The following RBM19 variants were observed in gnomAD, a reference collection of about 807,000 sequenced individuals.
RBM19 encodes probable RNA-binding protein 19.
In RBM19, 94 loss-of-function variants were observed where a neutral mutation model predicts 116.8. The observed-to-expected ratio is 0.80, with a 90% confidence interval of 0.68 to 0.95. The LOEUF is 0.95. Ranked by LOEUF, RBM19 falls within the 40% of genes least tolerant of loss-of-function variation. RBM19 has a pLI of 0.00. For synonymous variants in RBM19, 475 were observed against 494.1 expected (o/e 0.96, Z 0.51); for missense variants, 1,161 against 1,220.7 (o/e 0.95, Z 0.73).
At chr12:113,863,797 T>C (rs1878596846) in intron 21 of RBM19, among the ~76,000 whole-genome samples, 1 of 152,202 alleles carries the variant, frequency 6.6e-6, no homozygotes, top group South Asian at 2.1e-4. Context: ...AACTACAAGC[T>C]TCTTCTGCTC....
chr12:113,852,261 C>A (rs989863547), intron 22 of RBM19, among the ~76,000 whole-genome samples: 2 of 152,190 alleles, frequency 1.3e-5, no homozygotes, highest in Non-Finnish European at 2.9e-5. Context: ...CAGGGGGGTC[C>A]GTCCTGGCAC....
chr12:113,871,716 A>G (rs759356567), intron 21 of RBM19, among the ~76,000 whole-genome samples: 3 of 152,228 alleles, frequency 2.0e-5, no homozygotes, highest in Non-Finnish European at 4.4e-5. Context: ...CAAACAGCAG[A>G]CACACCTCAA....
intron 17 of RBM19, among the ~76,000 whole-genome samples, chr12:113,925,468 G>A (rs1015635111): frequency 6.6e-6 from 1 of 152,218 alleles, no homozygotes. Context: ...CCATGTTACA[G>A]ATGAAGAAAC....
chr12:113,946,320 G>T, intron 12 of RBM19, 34 bp downstream of exon 12: 1 of 1,613,974 alleles, frequency 6.2e-7, no homozygotes, highest in Non-Finnish European at 8.5e-7. Context: ...GAGGGTTGGG[G>T]TTGGAGCTCA....
intron 21 of RBM19, among the ~76,000 whole-genome samples, chr12:113,859,728 T>A (rs1209791303): frequency 6.6e-6 from 1 of 152,218 alleles, no homozygotes; most frequent in Admixed American, 6.5e-5. Flanking sequence ...CCCTTTCTAA[T>A]GTCCATTTAT....
intron 21 of RBM19, among the ~76,000 whole-genome samples, chr12:113,914,155 G>A (rs1264437566): frequency 6.6e-6 from 1 of 152,250 alleles, no homozygotes; most frequent in Non-Finnish European, 1.5e-5. Flanking sequence ...ATTAGTTGCT[G>A]ATGAATTCTC....
chr12:113,940,566 G>A (rs975998867), intron 14 of RBM19, among the ~76,000 whole-genome samples: 4 of 152,232 alleles, frequency 2.6e-5, no homozygotes, highest in African/African-American at 9.6e-5. Context: ...CCCCCTGGGA[G>A]CAGCCCACAG....
At chr12:113,844,911 T>A in intron 22 of RBM19, 123 bp from the exon 23 acceptor site, 2 of 1,352,196 alleles carry the variant, frequency 1.5e-6, no homozygotes, top group South Asian at 3.2e-5. Context: ...CCCCGTGACA[T>A]CTGATCTCCA....
intron 18 of RBM19, among the ~76,000 whole-genome samples, 177 bp from the exon 19 acceptor site, chr12:113,920,867 A>G (rs1868492113): frequency 6.6e-6 from 1 of 152,156 alleles, no homozygotes; most frequent in African/African-American, 2.4e-5. Flanking sequence ...ATCTTGACGA[A>G]TCAGCCAACG....
chr12:113,872,050 G>A (rs1315339740), intron 21 of RBM19, among the ~76,000 whole-genome samples: 5 of 145,774 alleles, frequency 3.4e-5, no homozygotes, highest in African/African-American at 1.0e-4. Context: ...GAGCGTCTCC[G>A]CCCAGCCGCC....
intron 21 of RBM19, among the ~76,000 whole-genome samples, chr12:113,863,213 G>GTC (rs1412451091): frequency 2.5e-5 from 1 of 39,922 alleles, no homozygotes; most frequent in Non-Finnish European, 5.0e-5. Flanking sequence ...ACGTGTGTCT[G>GTC]TGTGTGTGTG....
At chr12:113,878,401 G>A (rs984485965) in intron 21 of RBM19, among the ~76,000 whole-genome samples, 1 of 152,168 alleles carries the variant, frequency 6.6e-6, no homozygotes, top group Admixed American at 6.5e-5. Flanking sequence ...GCCTCATTAG[G>A]CCTCTCCACC....
chr12:113,941,451 G>A (rs1318612185), intron 14 of RBM19, among the ~76,000 whole-genome samples: 2 of 150,358 alleles, frequency 1.3e-5, no homozygotes, highest in Non-Finnish European at 2.9e-5. Flanking sequence ...GAGTGGCCAT[G>A]TGAATGAAAT....
At chr12:113,840,827 G>C (rs188145115) in intron 23 of RBM19, among the ~76,000 whole-genome samples, 3 of 152,314 alleles carry the variant, frequency 2.0e-5, no homozygotes, top group African/African-American at 7.2e-5. Context: ...TTCAGCCCCT[G>C]GGGTGGTTAA....
At position 113,875,796 on chromosome 12, in the gene RBM19, A is replaced by G. The variant is rs115688689; in HGVS notation, c.2559-16900T>C. Among the ~76,000 whole-genome samples the G allele has an allele frequency of 5.4e-3, 828 of 152,294 alleles. 7 individuals are homozygous for G. Among genetic ancestry groups the G allele is most frequent in the African/African-American group, 0.015 (634 of 41,558 alleles). On this transcript the variant is annotated intron_variant, in intron 21 of 23. Transcript: ENST00000261741. ...CAAAGTTCACGCAGAGGGAAAAGTCAATGATCGTGTCTCTGGCGACGCACA... is the reference window on the plus strand; with the variant it reads ...CAAAGTTCACGCAGAGGGAAAAGTCGATGATCGTGTCTCTGGCGACGCACA...
intron 21 of RBM19, among the ~76,000 whole-genome samples, chr12:113,876,759 A>G (rs1265088880): frequency 2.0e-5 from 3 of 152,240 alleles, no homozygotes; most frequent in Admixed American, 1.3e-4. Flanking sequence ...CCACTGCACT[A>G]CAGCCTAGGT....
chr12:113,906,656 C>T (rs555342971), intron 21 of RBM19, among the ~76,000 whole-genome samples: 29 of 152,100 alleles, frequency 1.9e-4, no homozygotes, highest in African/African-American at 5.1e-4. Context: ...CGTCGGGGCT[C>T]GGCATTTACT....
intron 21 of RBM19, 71 bp downstream of exon 21, chr12:113,914,898 C>T: frequency 7.4e-7 from 1 of 1,357,668 alleles, no homozygotes; most frequent in African/African-American, 1.4e-5. Context: ...ACCCAAAGGC[C>T]ATCTTCCCTG....
At chr12:113,879,431 T>TTA (rs5801011) in intron 21 of RBM19, among the ~76,000 whole-genome samples, 50,868 of 132,558 alleles carry the variant, frequency 0.38, 11,289 homozygotes, top group Middle Eastern at 0.49. Context: ...TACATACATT[T>TTA]TATATATATA....
Sources: allele counts gnomAD v4.1 joint callset (sites outside exome capture counted in the v4.1 genomes callset), GRCh38; gene constraint gnomAD v4.1.1; transcripts MANE v1.5; gene names NCBI Gene and HGNC (gene_info 2026-07-23, HGNC 2026-07-21).